SLC27A4: variants seen among roughly 807,000 people sequenced by gnomAD.
The protein encoded by SLC27A4 is solute carrier family 27 member 4.
Under a neutral mutation model 64.4 loss-of-function variants are expected in SLC27A4, and 33 were observed. That is an observed-to-expected ratio of 0.51 (90% CI 0.39 to 0.68). SLC27A4 has a LOEUF of 0.68. SLC27A4 is among the 30% of genes least tolerant of loss of function. The probability of loss-of-function intolerance (pLI) is 0.00; values close to 1 mark genes in which losing one functional copy is unlikely to be tolerated. For missense variants in SLC27A4, 824 were observed against 883.5 expected (o/e 0.93, Z 0.85); for synonymous variants, 377 against 370.0 (o/e 1.02, Z -0.22).
At chr9:128,341,053 GCCCCAGCCTTCCAGGA>G (rs1832563247) in intron 1 of SLC27A4, among the ~76,000 whole-genome samples, 1 of 152,244 alleles carries the variant, frequency 6.6e-6, no homozygotes, top group African/African-American at 2.4e-5. Flanking sequence ...GCCTCTTCTT[GCCCCAGCCTTCCAGGA>G]CAGGTTCCTG....
At position 128,355,150 on chromosome 9, in the gene SLC27A4, C is replaced by T; in HGVS notation, c.1422C>T (p.Ala474=). The T allele has an allele frequency of 7.4e-6, 12 of 1,613,720 alleles. No individual in the cohort carries two copies. Among genetic ancestry groups the T allele is most frequent in the Non-Finnish European group, 1.0e-5 (12 of 1,179,850 alleles). The change falls in exon 10 of 13, where the codon GCC becomes GCT. Residue 474 remains alanine (A), a synonymous_variant. Coordinates refer to ENST00000300456, the MANE Select transcript of SLC27A4 (RefSeq NM_005094.4). Reference sequence around the variant, plus strand: ...AGGGCGCCAACAACAAGAAGATTGCCAAGGATGTCTTCAAGAAGGGGGACC... The same window carrying T: ...AGGGCGCCAACAACAAGAAGATTGCTAAGGATGTCTTCAAGAAGGGGGACC... ...LNQGANNKKI[A]KDVFKKGDQA... is the part of the protein sequence containing the mutation.
rs1404814419 is a variant in SLC27A4 at position 128,355,102 on chromosome 9, C to G, written c.1374C>G (p.Arg458=). The G allele has an allele frequency of 1.9e-6, 3 of 1,613,270 alleles. No individual in the cohort carries two copies. Among genetic ancestry groups the G allele is most frequent in the Non-Finnish European group, 2.5e-6 (3 of 1,179,736 alleles). The part of the protein sequence containing the change: ...VGRIIQKDPL[R]RFDGYLNQGA... The stretch of plus-strand genomic sequence containing the variant: ...GCATCATCCAGAAAGACCCCCTGCG[C>G]CGCTTCGATGGCTACCTCAACCAGG... Residue 458 remains arginine, a synonymous_variant, in exon 10 of 13, where the codon CGC becomes CGG. Coordinates refer to ENST00000300456, the MANE Select transcript of SLC27A4 (RefSeq NM_005094.4).
At chr9:128,341,958 C>A (rs1404446662) in intron 1 of SLC27A4, among the ~76,000 whole-genome samples, 1 of 152,102 alleles carries the variant, frequency 6.6e-6, no homozygotes, top group Non-Finnish European at 1.5e-5. Flanking sequence ...AGGGTGGTCT[C>A]GAACTCCTGA....
Position 128,352,740 on chromosome 9 carries a change from A to G in SLC27A4, c.980A>G (p.Asn327Ser), listed in dbSNP as rs1832755830. 25 of 1,611,794 alleles carry G rather than the reference A, an allele frequency of 1.6e-5. No homozygotes were observed. Among genetic ancestry groups the G allele is most frequent in the Non-Finnish European group, 2.0e-5 (24 of 1,177,896 alleles). ...SRFWDDCIKYNCTIVQYIGEL... is the reference protein window; with the variant it reads ...SRFWDDCIKYSCTIVQYIGEL... ...TTCTGGGACGATTGTATCAAGTACAACTGCACGGTGAGCGAGAGCGGGAAG... is the reference window on the plus strand; with the variant it reads ...TTCTGGGACGATTGTATCAAGTACAGCTGCACGGTGAGCGAGAGCGGGAAG... The change falls in exon 7 of 13, where the codon AAC becomes AGC. Residue 327 changes from asparagine (N) to serine (S), a missense_variant. Physicochemically the swap from Asn to Ser is conservative, Grantham distance 46. Coordinates refer to ENST00000300456, the MANE Select transcript of SLC27A4 (RefSeq NM_005094.4).
chr9:128,340,804 C>G lies in SLC27A4; in HGVS notation c.-41C>G, dbSNP rs1208808874. ...CTACGCTGCTGCAACCGGGCCGCAT[C>G]TGGACGGGGCGCCGCGCGGCGGAGC... On this transcript the variant is annotated 5_prime_UTR_variant, in exon 1 of 13. The change creates a new upstream start codon in the 5' untranslated region. Coordinates refer to ENST00000300456, the MANE Select transcript of SLC27A4 (RefSeq NM_005094.4). The G allele has an allele frequency of 1.5e-6, 1 of 687,610 alleles. No homozygotes were observed. The allele number at this position is 687,610 out of a possible 1,614,324, so 42.6% of individuals were successfully genotyped here. A position where few individuals can be genotyped will look rare whatever the true frequency, so the allele number is the denominator to read the frequency against.
chr9:128,360,886 CAGTGGTAGCATCCATCTGGTGGCCA>C lies in SLC27A4; in HGVS notation c.*397_*421del, dbSNP rs925305536. On this transcript the variant is annotated 3_prime_UTR_variant, in exon 13 of 13. Coordinates refer to ENST00000300456, the MANE Select transcript of SLC27A4 (RefSeq NM_005094.4). ...AGGAAGTCAACAGAGTGGGCAGGGA[CAGTGGTAGCATCCATCTGGTGGCCA>C]AAGAGAATCGTAGCCCCAGAGCTGC... The C allele has an allele frequency of 1.4e-4, 38 of 263,256 alleles. No homozygotes were observed. Among genetic ancestry groups the C allele is most frequent in the African/African-American group, 8.5e-4 (38 of 44,906 alleles). The allele number at this position is 263,256 out of a possible 1,614,324, so 16.3% of individuals were successfully genotyped here.
Position 128,345,558 on chromosome 9 carries a change from C to G in SLC27A4, c.556+9C>G. On this transcript the variant is annotated intron_variant, in intron 3 of 12. Transcript: ENST00000300456. The surrounding 1 kb of genome is among the most constrained non-coding windows in gnomAD (Gnocchi z 4.1). ...CAGCGAAATGGCCTCAGGTGAGCCCCAAGGGGGCGGGGGACAAGCAGGAAC... is the reference window on the plus strand; with the variant it reads ...CAGCGAAATGGCCTCAGGTGAGCCCGAAGGGGGCGGGGGACAAGCAGGAAC... 1 of 1,597,392 alleles carries G rather than the reference C, an allele frequency of 6.3e-7. No homozygotes were observed. The highest frequency in any genetic ancestry group is 1.7e-5 in the Admixed American group (1 of 58,228).
rs1249354997 is a variant in SLC27A4, at chr9:128,355,749, A to T, written c.1727A>T (p.Tyr576Phe). ...GTCTTGGAGAAGGAACTGCCCCTGTATGCGCGCCCCATCTTCCTGCGCCTC... is the reference window on the plus strand; with the variant it reads ...GTCTTGGAGAAGGAACTGCCCCTGTTTGCGCGCCCCATCTTCCTGCGCCTC... ...AQVLEKELPL[Y>F]ARPIFLRLLP... Residue 576 changes from tyrosine (Y) to phenylalanine (F), a missense_variant, in exon 12 of 13, where the codon TAT becomes TTT. Coordinates refer to ENST00000300456, the MANE Select transcript of SLC27A4 (RefSeq NM_005094.4). 1.2e-6 allele frequency: 2 copies of T among 1,613,772 alleles called. No homozygotes were observed. Among genetic ancestry groups the T allele is most frequent in the South Asian group, 2.2e-5 (2 of 91,080 alleles).
At chr9:128,348,413 C>A in intron 3 of SLC27A4, 132 bp from the exon 4 acceptor site, 1 of 1,082,426 alleles carries the variant, frequency 9.2e-7, no homozygotes, top group Non-Finnish European at 1.4e-6. Context: ...ACACTGAAGG[C>A]CCAGTTGCTT....
chr9:128,355,921 G>A lies in SLC27A4; in HGVS notation c.1774+125G>A. 2.3e-6 allele frequency: 3 copies of A among 1,288,616 alleles called. No individual in the cohort carries two copies. The South Asian group carries it at 3.6e-5, about 15-fold the overall frequency. The allele number at this position is 1,288,616 out of a possible 1,614,324, so 79.8% of individuals were successfully genotyped here. ...GGCCGGGCAGTTGGTAAAGTGACCT[G>A]CCTGTGTAGAGGTGAGCAGACGGGG... On this transcript the variant is annotated intron_variant, in intron 12 of 12. Coordinates refer to ENST00000300456, the MANE Select transcript of SLC27A4 (RefSeq NM_005094.4).
rs932617974 is a variant in SLC27A4, at chr9:128,345,225, A to G, written c.232A>G (p.Ile78Val). 1.9e-6 allele frequency: 3 copies of G among 1,613,668 alleles called. No homozygotes were observed. The highest frequency in any genetic ancestry group is 1.1e-5 in the South Asian group (1 of 91,070). ...CCTGCAGGAGCGGCGGACAGTGCCC[A>G]TTTTGTTTGCCTCTACCGTTCGGCG... ...QCLQERRTVP[I>V]LFASTVRRHP... Residue 78 changes from isoleucine to valine, a missense_variant, in exon 3 of 13, where the codon ATT (isoleucine) becomes GTT (valine). Coordinates refer to ENST00000300456, the MANE Select transcript of SLC27A4 (RefSeq NM_005094.4). The surrounding 1 kb of genome is among the most constrained non-coding windows in gnomAD (Gnocchi z 4.1).
At chr9:128,344,019 T>C (rs1263014931) in intron 2 of SLC27A4, among the ~76,000 whole-genome samples, 1 of 152,078 alleles carries the variant, frequency 6.6e-6, no homozygotes, top group Non-Finnish European at 1.5e-5. Flanking sequence ...TTGTCAATCT[T>C]GGTTGATTGC....
intron 1 of SLC27A4, 145 bp from the exon 2 acceptor site, chr9:128,342,982 C>T: frequency 1.9e-6 from 2 of 1,036,792 alleles, no homozygotes; most frequent in Admixed American, 2.1e-5. Context: ...GAAAGGGACC[C>T]CTGTGGTCAG....
rs150462602 is a variant in SLC27A4 at position 128,345,246 on chromosome 9, C to T, written c.253C>T (p.Arg85Trp). ...TVPILFASTV[R>W]RHPDKTALIF... The stretch of plus-strand genomic sequence containing the variant: ...GCCCATTTTGTTTGCCTCTACCGTT[C>T]GGCGCCACCCCGACAAGACGGCCCT... Residue 85 changes from arginine to tryptophan, a missense_variant, in exon 3 of 13, where the codon CGG becomes TGG. By Grantham distance (101) the Arg-to-Trp change is moderately radical. Coordinates refer to ENST00000300456, the MANE Select transcript of SLC27A4 (RefSeq NM_005094.4). The surrounding 1 kb of genome is among the most constrained non-coding windows in gnomAD (Gnocchi z 4.1). 3.5e-5 allele frequency: 57 copies of T among 1,613,746 alleles called. No individual in the cohort carries two copies. The African/African-American group carries it at 5.9e-4, about 17-fold the overall frequency.
chr9:128,354,877 C>G (rs1237905159), intron 9 of SLC27A4, among the ~76,000 whole-genome samples, 176 bp from the exon 10 acceptor site: 1 of 149,362 alleles, frequency 6.7e-6, no homozygotes, highest in Non-Finnish European at 1.5e-5. Flanking sequence ...TGCTTGAACC[C>G]AGGAGGTAGA....
intron 12 of SLC27A4, among the ~76,000 whole-genome samples, chr9:128,359,558 G>A (rs374855919): frequency 3.3e-5 from 5 of 152,250 alleles, no homozygotes; most frequent in South Asian, 4.1e-4. Context: ...CCGGGAGGCC[G>A]AGGTTGCAGT....
In SLC27A4 at chr9:128,355,453, G is replaced by A; in HGVS notation, c.1518G>A (p.Gly506=). ...ACCTGTACTTCCGAGACCGCACTGGGGACACGTTCCGCTGGAAAGGTGAGA... is the reference window on the plus strand; with the variant it reads ...ACCTGTACTTCCGAGACCGCACTGGAGACACGTTCCGCTGGAAAGGTGAGA... ...LGYLYFRDRT[G]DTFRWKGENV... is the part of the protein sequence containing the mutation. Residue 506 remains glycine (G), a synonymous_variant, in exon 11 of 13, where the codon GGG becomes GGA. Transcript: ENST00000300456. 6.2e-7 allele frequency: 1 copy of A among 1,613,626 alleles called. No homozygotes were observed. The highest frequency in any genetic ancestry group is 8.5e-7 in the Non-Finnish European group (1 of 1,180,014).
rs529797237 is a variant in SLC27A4, at chr9:128,343,290, T to C, written c.158T>C (p.Ile53Thr). 3.8e-5 allele frequency: 61 copies of C among 1,614,116 alleles called. No homozygotes were observed. In the South Asian group the frequency reaches 6.1e-4, roughly 16 times the overall value. Residue 53 changes from isoleucine to threonine, a missense_variant, in exon 2 of 13, where the codon ATC becomes ACC. Physicochemically the swap from Ile to Thr is moderately conservative, Grantham distance 89. Transcript: ENST00000300456. ...RVFIKTIRRD[I>T]FGGLVLLKVK... ...TTCATCAAGACCATCAGGCGCGATA[T>C]CTTGTGAGTACCTGGCCCAGCCTTT...
chr9:128,355,247 C>A, intron 10 of SLC27A4, 57 bp downstream of exon 10: 1 of 1,605,174 alleles, frequency 6.2e-7, no homozygotes, highest in South Asian at 1.1e-5. Flanking sequence ...AGGGGACCTT[C>A]TCCCACCTCC....
Sources: allele counts gnomAD v4.1 joint callset (sites outside exome capture counted in the v4.1 genomes callset), GRCh38; gene constraint gnomAD v4.1.1; non-coding constraint Gnocchi (gnomAD v3.1); transcripts MANE v1.5; gene names NCBI Gene and HGNC (gene_info 2026-07-23, HGNC 2026-07-21).